Variants in SNX18 observed in about 807,000 individuals in gnomAD.
SNX18 encodes sorting nexin 18.
Under a neutral mutation model 48.7 loss-of-function variants are expected in SNX18, and 35 were observed. The ratio of observed to expected loss-of-function variants is 0.72; its 90% confidence interval spans 0.55 to 0.95. The LOEUF is 0.95. Among genes scored for constraint, SNX18 ranks in the 40% least tolerant of loss-of-function variants. SNX18 has a pLI of 0.00. For synonymous variants in SNX18, 492 were observed against 384.7 expected, an observed-to-expected ratio of 1.28 and a Z score of -3.26; for missense variants, 824 against 871.0, an observed-to-expected ratio of 0.95 and a Z score of 0.68.
At chr5:54,521,756 AG>A (rs1340399054) in intron 1 of SNX18, among the ~76,000 whole-genome samples, 2 of 151,976 alleles carry the variant, frequency 1.3e-5, no homozygotes, top group Non-Finnish European at 2.9e-5. Flanking sequence ...TTGTAGAGAC[AG>A]GTGTCTTGCT....
At chr5:54,617,173 G>C in the SNX18 span, among the ~76,000 whole-genome samples, 1 of 152,216 alleles carries the variant, frequency 6.6e-6, no homozygotes, top group Non-Finnish European at 1.5e-5. Flanking sequence ...TAATTCACCA[G>C]TGAAGCCGCA....
chr5:54,568,106 G>C, the SNX18 span, among the ~76,000 whole-genome samples: 10 of 152,132 alleles, frequency 6.6e-5, no homozygotes, highest in African/African-American at 2.4e-4. Flanking sequence ...AAGTCACAAG[G>C]TCTGTTCTTT....
intron 1 of SNX18, chr5:54,520,008 A>G (rs1761987045): frequency 3.3e-6 from 2 of 601,230 alleles, no homozygotes; most frequent in East Asian, 5.6e-5. Flanking sequence ...GTCTGTAAAT[A>G]GAAATCTGCT....
downstream of SNX18, among the ~76,000 whole-genome samples, chr5:54,550,191 C>T (rs545950631): frequency 3.3e-5 from 5 of 152,302 alleles, no homozygotes; most frequent in African/African-American, 9.6e-5. Context: ...TCACATATGG[C>T]TATAACCTCC....
chr5:54,596,251 G>A, the SNX18 span, among the ~76,000 whole-genome samples: 1 of 151,694 alleles, frequency 6.6e-6, no homozygotes, highest in East Asian at 1.9e-4. Flanking sequence ...TTTGAAAAAG[G>A]AATTGTATAA....
chr5:54,541,209 G>A (rs1762463797), intron 1 of SNX18, among the ~76,000 whole-genome samples: 1 of 151,702 alleles, frequency 6.6e-6, no homozygotes, highest in Non-Finnish European at 1.5e-5. Flanking sequence ...TGTATTTTTA[G>A]TAGAGACAGG....
chr5:54,574,243 C>T, the SNX18 span, among the ~76,000 whole-genome samples: 3 of 152,214 alleles, frequency 2.0e-5, no homozygotes, highest in Non-Finnish European at 2.9e-5. Context: ...TGGGCAGCTG[C>T]TCCATGAGGC....
rs1762522739 is a variant in SNX18, at chr5:54,544,048, G to T, written c.*616G>T. 6.6e-6 allele frequency: 1 copy of T among 151,184 alleles called. No individual in the cohort carries two copies. The highest frequency in any genetic ancestry group is 6.6e-5 in the Admixed American group (1 of 15,122). The allele number at this position is 151,184 out of a possible 1,614,324, so 9.4% of individuals were successfully genotyped here. A position where few individuals can be genotyped will look rare whatever the true frequency, so the allele number is the denominator to read the frequency against. On this transcript the variant is annotated 3_prime_UTR_variant, in exon 2 of 2. Coordinates refer to ENST00000381410, the MANE Select transcript of SNX18 (RefSeq NM_001102575.2). ...GCAGTAGGGGGTGGGGGGGGCGGTG[G>T]GGTGGGACGATCAGCTGTCATCAAT...
At chr5:54,587,447 C>T in the SNX18 span, among the ~76,000 whole-genome samples, 2 of 152,044 alleles carry the variant, frequency 1.3e-5, no homozygotes, top group African/African-American at 4.8e-5. Context: ...ATTGCTCTTA[C>T]CAGAATAAAG....
the SNX18 span, among the ~76,000 whole-genome samples, chr5:54,573,707 A>G: frequency 6.6e-6 from 1 of 152,174 alleles, no homozygotes; most frequent in Non-Finnish European, 1.5e-5. Context: ...CAGAAGACAC[A>G]TCAGGAAGAT....
At chr5:54,600,145 C>T in the SNX18 span, among the ~76,000 whole-genome samples, 1 of 152,046 alleles carries the variant, frequency 6.6e-6, no homozygotes, top group East Asian at 1.9e-4. Flanking sequence ...AAACAAACAA[C>T]CTCATTAAAA....
At chr5:54,642,927 C>A in the SNX18 span, among the ~76,000 whole-genome samples, 1 of 152,196 alleles carries the variant, frequency 6.6e-6, no homozygotes. Flanking sequence ...GTGTACTGAA[C>A]AAACATGCAT....
chr5:54,519,111 G>A lies in SNX18; in HGVS notation c.1159G>A (p.Glu387Lys). Residue 387 changes from glutamate (E) to lysine (K), a missense_variant, in exon 1 of 2, where the codon GAG (glutamate) becomes AAG (lysine). By Grantham distance (56) the Glu-to-Lys change is moderately conservative. Coordinates refer to ENST00000381410, the MANE Select transcript of SNX18 (RefSeq NM_001102575.2). ...CCTGACGTGCCCCAGCAGCACCGACGAGAAAGCCTGGAAGCAGGGCAAGAG... is the reference window on the plus strand; with the variant it reads ...CCTGACGTGCCCCAGCAGCACCGACAAGAAAGCCTGGAAGCAGGGCAAGAG... Reference protein sequence around the residue: ...HFLTCPSSTDEKAWKQGKRKA... With the variant: ...HFLTCPSSTDKKAWKQGKRKA... 2 of 1,614,102 alleles carry A rather than the reference G, an allele frequency of 1.2e-6. No individual in the cohort carries two copies. Among genetic ancestry groups the A allele is most frequent in the Non-Finnish European group, 1.7e-6 (2 of 1,180,024 alleles).
At chr5:54,608,819 T>A in the SNX18 span, among the ~76,000 whole-genome samples, 1 of 152,216 alleles carries the variant, frequency 6.6e-6, no homozygotes, top group Admixed American at 6.5e-5. Context: ...TGGTGGGAAA[T>A]TCACACTCAG....
rs142901010 is a variant in SNX18 at position 54,537,420 on chromosome 5, C to A, written c.1622-5759C>A. On this transcript the variant is annotated intron_variant, in intron 1 of 1. Transcript: ENST00000381410. ...TAATATGCTCATGCTATTCCAGATG[C>A]AGCTAACTAATGAAGCAGTTTCAGT... 2.0e-5 allele frequency among the ~76,000 whole-genome samples: 3 copies of A among 152,300 alleles called. No homozygotes were observed. In the East Asian group the frequency reaches 5.8e-4, roughly 29 times the overall value.
At chr5:54,526,357 C>T (rs1363345561) in intron 1 of SNX18, among the ~76,000 whole-genome samples, 1 of 152,156 alleles carries the variant, frequency 6.6e-6, no homozygotes, top group Non-Finnish European at 1.5e-5. Flanking sequence ...ATCTACCCAC[C>T]TTGGCCTTCC....
chr5:54,599,236 T>C, the SNX18 span, among the ~76,000 whole-genome samples: 1 of 152,096 alleles, frequency 6.6e-6, no homozygotes, highest in Non-Finnish European at 1.5e-5. Context: ...TCACAATTGC[T>C]ACAAAGAGAG....
chr5:54,618,886 C>T, the SNX18 span, among the ~76,000 whole-genome samples: 6 of 152,024 alleles, frequency 3.9e-5, no homozygotes, highest in Non-Finnish European at 5.9e-5. Context: ...AAGTTTTATA[C>T]CCCCTGTTCT....
chr5:54,610,849 G>T, the SNX18 span, among the ~76,000 whole-genome samples: 1 of 152,206 alleles, frequency 6.6e-6, no homozygotes, highest in Admixed American at 6.5e-5. Flanking sequence ...AGCACAGTCA[G>T]TTAGTAGCCT....
Sources: allele counts gnomAD v4.1 joint callset (sites outside exome capture counted in the v4.1 genomes callset), GRCh38; gene constraint gnomAD v4.1.1; transcripts MANE v1.5; gene names NCBI Gene and HGNC (gene_info 2026-07-23, HGNC 2026-07-21).